The following PLSCR2 variants were observed in gnomAD, a reference collection of about 807,000 sequenced individuals.
The protein encoded by PLSCR2 is PL scramblase 2.
PLSCR2 carries 18 observed loss-of-function variants against 25.3 expected under a neutral mutation model. The ratio of observed to expected loss-of-function variants is 0.71; its 90% CI spans 0.49 to 1.06. The LOEUF is 1.06. Ranked by LOEUF, PLSCR2 falls within the 50% of genes least tolerant of loss-of-function variation. The pLI, the probability that PLSCR2 is intolerant of heterozygous loss-of-function variation, is 0.00. For synonymous variants in PLSCR2, 88 were observed against 87.3 expected (o/e 1.01, Z -0.04); for missense variants, 243 against 269.5 (o/e 0.90, Z 0.69).
At chr3:146,393,387 T>G (rs1337386290) in intron 3 of PLSCR2, among the ~76,000 whole-genome samples, 1 of 152,112 alleles carries the variant, frequency 6.6e-6, no homozygotes, top group Non-Finnish European at 1.5e-5. Context: ...TGAGTGTTGT[T>G]TGCTCATATA....
intron 1 of PLSCR2, among the ~76,000 whole-genome samples, chr3:146,471,002 A>T (rs1025654271): frequency 2.0e-5 from 3 of 152,150 alleles, no homozygotes; most frequent in African/African-American, 4.8e-5. Flanking sequence ...TGTTATATAC[A>T]TACAAATAAG....
chr3:146,486,969 G>A (rs192829021), intron 1 of PLSCR2, among the ~76,000 whole-genome samples: 9 of 152,208 alleles, frequency 5.9e-5, no homozygotes, highest in East Asian at 1.9e-4. Context: ...TATCCACCAC[G>A]ATCAAGTCAG....
chr3:146,464,041 G>A (rs144376656), upstream of PLSCR2: 5 of 892,842 alleles, frequency 5.6e-6, no homozygotes, highest in East Asian at 3.6e-4. Context: ...TTAACTTCCC[G>A]GATTTTCTTA....
At chr3:146,425,061 TG>T (rs950062062) in intron 2 of PLSCR2, among the ~76,000 whole-genome samples, 4 of 55,266 alleles carry the variant, frequency 7.2e-5, no homozygotes, top group Non-Finnish European at 1.2e-4. Flanking sequence ...AATAAATTTG[TG>T]TTTGTTTCAC....
At chr3:146,461,933 C>A, upstream of PLSCR2, 3 of 1,482,226 alleles carry the variant, frequency 2.0e-6, no homozygotes, top group South Asian at 1.3e-5. Context: ...GAAAACACAG[C>A]TACAAATAAT....
At chr3:146,449,242 T>A (rs2040747418) in exon 6 of PLSCR2, 1 of 1,612,814 alleles carries the variant, frequency 6.2e-7, no homozygotes, top group African/African-American at 1.3e-5. Context: ...CGGCTTTCAT[T>A]TTAACATCAA....
upstream of PLSCR2, chr3:146,463,837 G>A: frequency 1.0e-6 from 1 of 973,122 alleles, no homozygotes; most frequent in African/African-American, 1.8e-5. Flanking sequence ...CTCCTTACCT[G>A]CCATTTCAAA....
intron 5 of PLSCR2, among the ~76,000 whole-genome samples, chr3:146,449,839 G>T (rs1172356571): frequency 6.6e-6 from 1 of 152,070 alleles, no homozygotes; most frequent in African/African-American, 2.4e-5. Context: ...ACCACCCACT[G>T]TCAGTAGGAA....
At chr3:146,432,756 T>C (rs374888811), downstream of PLSCR2, among the ~76,000 whole-genome samples, 18 of 152,174 alleles carry the variant, frequency 1.2e-4, no homozygotes, top group African/African-American at 4.1e-4. Flanking sequence ...GGGTATATCA[T>C]GGAAGTTAAG....
intron 2 of PLSCR2, among the ~76,000 whole-genome samples, chr3:146,424,795 G>A (rs2039282089): frequency 6.6e-6 from 1 of 151,910 alleles, no homozygotes; most frequent in Non-Finnish European, 1.5e-5. Flanking sequence ...CCCTCCCGTA[G>A]GACATTTTCA....
intron 5 of PLSCR2, 70 bp from the exon 6 acceptor site, chr3:146,449,437 G>A: frequency 1.9e-6 from 2 of 1,025,760 alleles, no homozygotes; most frequent in Non-Finnish European, 2.9e-6. Flanking sequence ...TTTAACACTG[G>A]AGTAAAAGGA....
downstream of PLSCR2, among the ~76,000 whole-genome samples, chr3:146,439,207 AT>A (rs1414682162): frequency 2.0e-5 from 3 of 151,784 alleles, no homozygotes; most frequent in African/African-American, 7.3e-5. Flanking sequence ...TGCCCTTAAC[AT>A]TTTTTCCTTC....
chr3:146,479,141 C>G (rs1264376835), intron 1 of PLSCR2, among the ~76,000 whole-genome samples: 1 of 152,064 alleles, frequency 6.6e-6, no homozygotes, highest in African/African-American at 2.4e-5. Flanking sequence ...GCAAAACATG[C>G]CAAATTATAA....
intron 2 of PLSCR2, among the ~76,000 whole-genome samples, chr3:146,412,590 C>A (rs187622346): frequency 6.6e-6 from 1 of 152,040 alleles, no homozygotes; most frequent in African/African-American, 2.4e-5. Flanking sequence ...ATTTTCGGTG[C>A]CACAAACGAA....
chr3:146,448,434 T>C (rs1184064502), intron 6 of PLSCR2, among the ~76,000 whole-genome samples: 1 of 152,214 alleles, frequency 6.6e-6, no homozygotes, highest in Non-Finnish European at 1.5e-5. Flanking sequence ...CATATTGGAA[T>C]CACCTGGGAG....
chr3:146,432,810 C>G (rs1217067066), downstream of PLSCR2, among the ~76,000 whole-genome samples: 1 of 152,138 alleles, frequency 6.6e-6, no homozygotes, highest in Non-Finnish European at 1.5e-5. Context: ...CTTCCATATA[C>G]TAGCCATGTA....
chr3:146,470,916 T>G (rs2042093573), intron 1 of PLSCR2, among the ~76,000 whole-genome samples: 1 of 152,236 alleles, frequency 6.6e-6, no homozygotes, highest in Admixed American at 6.5e-5. Context: ...CACAGAGGAT[T>G]TTTATGATGA....
rs142410968 is a variant in PLSCR2 at position 146,414,958 on chromosome 3, G to A, written c.101-19037C>T. Among the ~76,000 whole-genome samples, 9 of 152,256 alleles carry A rather than the reference G, an allele frequency of 5.9e-5. No individual in the cohort carries two copies. In the East Asian group the frequency reaches 1.7e-3, roughly 29 times the overall value. On this transcript the variant is annotated intron_variant and NMD_transcript_variant, in intron 2 of 3. Transcript: ENST00000463633. ...CCTTTCCCATGAGAAGACTATTGCT[G>A]CATTTACCTTCTCATTATCTAAGGA...
At chr3:146,406,184 T>G (rs1008052253) in intron 2 of PLSCR2, among the ~76,000 whole-genome samples, 2 of 152,212 alleles carry the variant, frequency 1.3e-5, no homozygotes, top group African/African-American at 4.8e-5. Flanking sequence ...GGTTGATCTC[T>G]TAGAGCAGGC....
Sources: gnomAD v4.1 joint callset for allele counts (sites outside exome capture counted in the v4.1 genomes callset) on GRCh38, gnomAD v4.1.1 for gene constraint, MANE v1.5 for transcripts, NCBI Gene and HGNC (gene_info 2026-07-23, HGNC 2026-07-21) for gene names.